The following PPARGC1A variants were observed in gnomAD, a reference collection of about 807,000 sequenced individuals.
The protein encoded by PPARGC1A is PPARG coactivator 1 alpha, also known as peroxisome proliferator-activated receptor gamma coactivator 1-alpha.
Under a neutral mutation model 88.7 loss-of-function variants are expected in PPARGC1A, and 25 were observed. The observed-to-expected ratio is 0.28, with a 90% confidence interval of 0.21 to 0.39. The LOEUF (loss-of-function observed/expected upper bound fraction) is 0.39. Ranked by LOEUF, PPARGC1A falls within the 10% of genes least tolerant of loss-of-function variation. The pLI is 1.00. For synonymous variants in PPARGC1A, 363 were observed against 355.6 expected, an observed-to-expected ratio of 1.02 and a Z score of -0.24; for missense variants, 880 against 968.7, an observed-to-expected ratio of 0.91 and a Z score of 1.22.
the PPARGC1A span, among the ~76,000 whole-genome samples, chr4:24,367,234 T>A: frequency 6.6e-6 from 1 of 151,948 alleles, no homozygotes; most frequent in Non-Finnish European, 1.5e-5. Flanking sequence ...CTCAGGAAAA[T>A]CACAGAGGAA....
intron 2 of PPARGC1A, among the ~76,000 whole-genome samples, chr4:23,863,136 T>C (rs1731538665): frequency 6.6e-6 from 1 of 152,072 alleles, no homozygotes; most frequent in African/African-American, 2.4e-5. Flanking sequence ...ACAATCTTTA[T>C]TGATCCTTCC....
the PPARGC1A span, among the ~76,000 whole-genome samples, chr4:24,067,602 T>G: frequency 1.3e-5 from 2 of 152,178 alleles, no homozygotes; most frequent in Non-Finnish European, 2.9e-5. Context: ...GAAGTGAGCT[T>G]CGGAGGCACA....
chr4:24,339,191 CATGT>C, the PPARGC1A span, among the ~76,000 whole-genome samples: 16 of 103,036 alleles, frequency 1.6e-4, no homozygotes, highest in Middle Eastern at 4.9e-3. Flanking sequence ...AAGGTTCATC[CATGT>C]GTGTGTGTGT....
At chr4:23,954,907 G>A in the PPARGC1A span, among the ~76,000 whole-genome samples, 3 of 152,008 alleles carry the variant, frequency 2.0e-5, no homozygotes, top group East Asian at 1.9e-4. Context: ...ATAGCAACAC[G>A]TAAATCTCCT....
At chr4:24,437,204 C>T in the PPARGC1A span, among the ~76,000 whole-genome samples, 1 of 152,216 alleles carries the variant, frequency 6.6e-6, no homozygotes. Flanking sequence ...TGCTTCATGG[C>T]ACAGCCTCAG....
the PPARGC1A span, among the ~76,000 whole-genome samples, chr4:23,965,617 T>G: frequency 6.6e-6 from 1 of 152,036 alleles, no homozygotes; most frequent in Non-Finnish European, 1.5e-5. Flanking sequence ...TAGCAAACAC[T>G]CAATATTTGT....
chr4:24,283,728 T>C, the PPARGC1A span, among the ~76,000 whole-genome samples: 4 of 152,124 alleles, frequency 2.6e-5, no homozygotes, highest in Admixed American at 1.3e-4. Flanking sequence ...TAGACTGAAA[T>C]GCTGGTTCAC....
chr4:24,305,119 ACATAT>A, the PPARGC1A span, among the ~76,000 whole-genome samples: 1 of 118,034 alleles, frequency 8.5e-6, no homozygotes, highest in Admixed American at 9.5e-5. Context: ...CAGAATACAT[ACATAT>A]ATGTGTATGT....
intron 2 of PPARGC1A, chr4:23,883,753 C>T (rs1255047750): frequency 6.6e-6 from 1 of 152,168 alleles, no homozygotes; most frequent in African/African-American, 2.4e-5. Flanking sequence ...ATTTAACAAA[C>T]ATTTATTCAG....
the PPARGC1A span, among the ~76,000 whole-genome samples, chr4:24,433,387 G>A: frequency 6.6e-6 from 1 of 152,052 alleles, no homozygotes; most frequent in Non-Finnish European, 1.5e-5. Flanking sequence ...TCGGGAGGGA[G>A]ACTGTCAACT....
chr4:24,316,399 A>T, the PPARGC1A span, among the ~76,000 whole-genome samples: 1 of 152,216 alleles, frequency 6.6e-6, no homozygotes, highest in Non-Finnish European at 1.5e-5. Flanking sequence ...TTGGCTTTGC[A>T]TTGTTATTTA....
the PPARGC1A span, among the ~76,000 whole-genome samples, chr4:24,129,222 G>A: frequency 2.6e-5 from 4 of 151,670 alleles, no homozygotes; most frequent in Admixed American, 6.6e-5. Flanking sequence ...TTCATCTTTC[G>A]GATTTCAATT....
chr4:24,017,994 G>C, the PPARGC1A span, among the ~76,000 whole-genome samples: 3 of 152,160 alleles, frequency 2.0e-5, no homozygotes, highest in South Asian at 4.1e-4. Context: ...GTCTCAGAAA[G>C]AGATATATTC....
At chr4:23,998,566 A>C in the PPARGC1A span, among the ~76,000 whole-genome samples, 1 of 152,234 alleles carries the variant, frequency 6.6e-6, no homozygotes, top group Non-Finnish European at 1.5e-5. Context: ...TCACATGATA[A>C]CAGGAAACCT....
chr4:23,912,797 T>TC, the PPARGC1A span, among the ~76,000 whole-genome samples: 1 of 151,460 alleles, frequency 6.6e-6, no homozygotes. Context: ...AATTTCTTTT[T>TC]TTTTTTTTTT....
At chr4:24,097,533 G>T in the PPARGC1A span, among the ~76,000 whole-genome samples, 2 of 151,850 alleles carry the variant, frequency 1.3e-5, no homozygotes, top group African/African-American at 4.8e-5. Context: ...GTTTTTAGGT[G>T]GTTTTTTTTC....
At chr4:24,156,798 G>A in the PPARGC1A span, among the ~76,000 whole-genome samples, 29 of 113,770 alleles carry the variant, frequency 2.5e-4, no homozygotes, top group African/African-American at 9.4e-4. Context: ...GGCTTTTATT[G>A]TTCAGAACTA....
chr4:24,193,008 A>C, the PPARGC1A span, among the ~76,000 whole-genome samples: 1 of 152,256 alleles, frequency 6.6e-6, no homozygotes, highest in South Asian at 2.1e-4. Flanking sequence ...GAACATTAGA[A>C]AAGAGAAAGC....
At chr4:24,025,952 T>A in the PPARGC1A span, among the ~76,000 whole-genome samples, 1 of 152,182 alleles carries the variant, frequency 6.6e-6, no homozygotes, top group Non-Finnish European at 1.5e-5. Flanking sequence ...ATCTTATGAG[T>A]TATAAATCTG....
Sources: gnomAD v4.1 joint callset for allele counts (sites outside exome capture counted in the v4.1 genomes callset) on GRCh38, gnomAD v4.1.1 for gene constraint, MANE v1.5 for transcripts, NCBI Gene and HGNC (gene_info 2026-07-23, HGNC 2026-07-21) for gene names.